PRMT3: variants seen among roughly 807,000 people sequenced by gnomAD.
The protein encoded by PRMT3 is protein arginine methyltransferase 3.
In PRMT3, 62 loss-of-function variants were observed where a neutral mutation model predicts 71.9. The observed-to-expected ratio is 0.86, with a 90% CI of 0.70 to 1.07. The LOEUF (loss-of-function observed/expected upper bound fraction) is 1.07. Among genes scored for constraint, PRMT3 ranks in the 50% least tolerant of loss-of-function variants. The probability of loss-of-function intolerance (pLI) is 0.00; values close to 1 mark genes in which losing one functional copy is unlikely to be tolerated. For missense variants in PRMT3, 663 were observed against 643.0 expected, an observed-to-expected ratio of 1.03 and a Z score of -0.34; for synonymous variants, 213 against 220.4, an observed-to-expected ratio of 0.97 and a Z score of 0.30.
chr11:20,497,501 A>G (rs1851359426), intron 15 of PRMT3, among the ~76,000 whole-genome samples: 1 of 50,824 alleles, frequency 2.0e-5, no homozygotes, highest in South Asian at 8.4e-4. Flanking sequence ...GGGAGTATAA[A>G]GAAAGGATCA....
At chr11:20,504,751 A>AGAGC (rs1851550089) in intron 15 of PRMT3, among the ~76,000 whole-genome samples, 3 of 149,364 alleles carry the variant, frequency 2.0e-5, no homozygotes, top group African/African-American at 7.4e-5. Context: ...AGAGAGCGAG[A>AGAGC]GCGACTGAGA....
chr11:20,417,774 T>TCTCA (rs1849339799), intron 9 of PRMT3, among the ~76,000 whole-genome samples: 1 of 149,444 alleles, frequency 6.7e-6, no homozygotes, highest in Admixed American at 6.8e-5. Flanking sequence ...TCTCTCTCTG[T>TCTCA]CACACACACA....
At chr11:20,426,232 C>A (rs1255453263) in intron 9 of PRMT3, among the ~76,000 whole-genome samples, 1 of 152,148 alleles carries the variant, frequency 6.6e-6, no homozygotes, top group Admixed American at 6.5e-5. Flanking sequence ...GTATTTGATC[C>A]TCTTAATAGC....
chr11:20,395,941 G>A lies in PRMT3; in HGVS notation c.539G>A (p.Arg180His), dbSNP rs779008015. The part of the protein sequence containing the change: ...LSAEAALARA[R>H]EDLQKMKQFA... ...GCTGAAGCCGCATTGGCCAGAGCACGTGAGGATCTGCAAAAAATGAAGTAA... is the reference window on the plus strand; with the variant it reads ...GCTGAAGCCGCATTGGCCAGAGCACATGAGGATCTGCAAAAAATGAAGTAA... Residue 180 changes from arginine (R) to histidine (H), a missense_variant, in exon 6 of 16, where the codon CGT becomes CAT. By Grantham distance (29) the Arg-to-His change is conservative (BLOSUM62 0). Transcript: ENST00000331079. 5.3e-5 allele frequency: 86 copies of A among 1,609,852 alleles called. No homozygotes were observed. The Middle Eastern group carries it at 6.6e-4, about 12-fold the overall frequency.
chr11:20,468,531 G>A (rs987975529), intron 13 of PRMT3, among the ~76,000 whole-genome samples: 1 of 152,048 alleles, frequency 6.6e-6, no homozygotes, highest in Non-Finnish European at 1.5e-5. Flanking sequence ...ACCACAGCCG[G>A]CTAATTTTTG....
chr11:20,422,891 G>A (rs908622926), intron 9 of PRMT3, among the ~76,000 whole-genome samples: 4 of 152,130 alleles, frequency 2.6e-5, no homozygotes, highest in Non-Finnish European at 5.9e-5. Context: ...GGATCAACCT[G>A]GCACATAGAG....
At chr11:20,506,173 G>A (rs1046794976) in intron 15 of PRMT3, among the ~76,000 whole-genome samples, 2 of 152,130 alleles carry the variant, frequency 1.3e-5, no homozygotes, top group Non-Finnish European at 2.9e-5. Context: ...AGACCTTAGA[G>A]TAGAGCCTAG....
rs1289139008 is a variant in PRMT3, at chr11:20,387,983, T to C, written c.29-36T>C. ...CTCGAGCCCCCGGGCCGCACCGGTG[T>C]CCGAGGCCGATCTGATTGTTGTGTG... On this transcript the variant is annotated intron_variant, in intron 1 of 15. Coordinates refer to ENST00000331079, the MANE Select transcript of PRMT3 (RefSeq NM_005788.4). This position sits in a 1 kb window ranked among gnomAD's most constrained non-coding sequence, Gnocchi z 4.3. 6.2e-7 allele frequency: 1 copy of C among 1,612,742 alleles called. No homozygotes were observed. Among genetic ancestry groups the C allele is most frequent in the South Asian group, 1.1e-5 (1 of 91,050 alleles).
At chr11:20,479,394 C>A (rs1850874094) in intron 13 of PRMT3, among the ~76,000 whole-genome samples, 1 of 152,120 alleles carries the variant, frequency 6.6e-6, no homozygotes, top group Non-Finnish European at 1.5e-5. Context: ...ATAAAATTCA[C>A]CCTATTTGCA....
intron 7 of PRMT3, among the ~76,000 whole-genome samples, chr11:20,399,306 A>G (rs978219054): frequency 1.3e-5 from 2 of 152,206 alleles, no homozygotes; most frequent in African/African-American, 2.4e-5. Context: ...GGATCACAGA[A>G]TAGAAGTTTG....
intron 10 of PRMT3, among the ~76,000 whole-genome samples, chr11:20,445,356 C>T (rs781134915): frequency 2.0e-5 from 3 of 152,064 alleles, no homozygotes; most frequent in Non-Finnish European, 4.4e-5. Flanking sequence ...TAGTCTCCTT[C>T]CCTTCCTATA....
At chr11:20,388,287 G>A in intron 2 of PRMT3, 133 bp downstream of exon 2, 1 of 1,321,432 alleles carries the variant, frequency 7.6e-7, no homozygotes, top group Admixed American at 2.3e-5. Flanking sequence ...CTGGTCTGGG[G>A]TGAGGGCTTG....
At chr11:20,440,364 G>A (rs1849857954) in intron 10 of PRMT3, among the ~76,000 whole-genome samples, 1 of 152,026 alleles carries the variant, frequency 6.6e-6, no homozygotes, top group Non-Finnish European at 1.5e-5. Context: ...CTTAAAAAGA[G>A]GCCGGGTGTG....
At chr11:20,496,725 A>G (rs1851343089) in intron 15 of PRMT3, among the ~76,000 whole-genome samples, 2 of 152,258 alleles carry the variant, frequency 1.3e-5, no homozygotes, top group South Asian at 2.1e-4. Context: ...GGTGGGCTCT[A>G]TATTACAGTT....
chr11:20,421,844 C>CG (rs927971152), intron 9 of PRMT3, among the ~76,000 whole-genome samples: 10 of 152,202 alleles, frequency 6.6e-5, no homozygotes, highest in African/African-American at 2.4e-4. Flanking sequence ...AGCCTCCTAA[C>CG]GGTAAGATTA....
chr11:20,489,965 AAAG>A (rs1243498687), intron 13 of PRMT3, among the ~76,000 whole-genome samples: 9 of 149,924 alleles, frequency 6.0e-5, no homozygotes, highest in African/African-American at 2.0e-4. Flanking sequence ...GAAAAGAAAA[AAAG>A]GTAACACCAC....
At chr11:20,477,323 C>T (rs1395359908) in intron 13 of PRMT3, among the ~76,000 whole-genome samples, 3 of 152,102 alleles carry the variant, frequency 2.0e-5, no homozygotes, top group Non-Finnish European at 4.4e-5. Context: ...CGGCTGTAAT[C>T]CCAGCACTTT....
intron 10 of PRMT3, among the ~76,000 whole-genome samples, chr11:20,436,852 TA>T (rs1193857926): frequency 6.6e-6 from 1 of 152,076 alleles, no homozygotes; most frequent in Non-Finnish European, 1.5e-5. Context: ...AGTTTGAGAG[TA>T]ATCGGTGTTA....
chr11:20,399,676 G>A (rs1479936591), intron 7 of PRMT3, among the ~76,000 whole-genome samples: 7 of 152,128 alleles, frequency 4.6e-5, no homozygotes, highest in African/African-American at 1.7e-4. Context: ...AAAGGTCACC[G>A]AAACTTTCAG....
Sources: allele counts gnomAD v4.1 joint callset (sites outside exome capture counted in the v4.1 genomes callset), GRCh38; gene constraint gnomAD v4.1.1; non-coding constraint Gnocchi (gnomAD v3.1); transcripts MANE v1.5; gene names NCBI Gene and HGNC (gene_info 2026-07-23, HGNC 2026-07-21).